SPEF2: variants seen among roughly 807,000 people sequenced by gnomAD.
SPEF2 encodes the protein sperm flagella and cilia-associated protein 2.
Under a neutral mutation model 224.6 loss-of-function variants are expected in SPEF2, and 187 were observed. The ratio of observed to expected loss-of-function variants is 0.83; its 90% confidence interval spans 0.74 to 0.94. The LOEUF is 0.94. Ranked by LOEUF, SPEF2 falls within the 40% of genes least tolerant of loss-of-function variation. The pLI is 0.00. For synonymous variants in SPEF2, 715 were observed against 707.3 expected (o/e 1.01, Z -0.17); for missense variants, 2,170 against 2,135.6 (o/e 1.02, Z -0.32).
intron 1 of SPEF2, among the ~76,000 whole-genome samples, chr5:35,624,589 C>G (rs2149360495): frequency 6.6e-6 from 1 of 152,218 alleles, no homozygotes; most frequent in African/African-American, 2.4e-5. Flanking sequence ...CTCTCTCTCC[C>G]TATCACCTTT....
intron 23 of SPEF2, among the ~76,000 whole-genome samples, chr5:35,752,663 A>ATATCTTATTAAACAATAAATATTTCATTG (rs1561308331): frequency 6.6e-6 from 1 of 152,238 alleles, no homozygotes; most frequent in African/African-American, 2.4e-5. Context: ...CATTAATGGG[A>ATATCTTATTAAACAATAAATATTTCATTG]CTGAAGCCTA....
At chr5:35,700,808 GA>G in intron 16 of SPEF2, 56 bp downstream of exon 16, 1 of 1,537,378 alleles carries the variant, frequency 6.5e-7, no homozygotes, top group Middle Eastern at 2.0e-4. Context: ...TTTGTTCTTT[GA>G]ATCAGTGAAT....
intron 34 of SPEF2, 125 bp downstream of exon 34, chr5:35,800,272 T>C: frequency 9.7e-7 from 1 of 1,028,332 alleles, no homozygotes; most frequent in Non-Finnish European, 1.4e-6. Flanking sequence ...TATGATGCTT[T>C]ACACATACTA....
Position 35,646,780 on chromosome 5 carries a change from A to G in SPEF2, c.699A>G (p.Lys233=), listed in dbSNP as rs371289561. Residue 233 remains lysine, a synonymous_variant, in exon 5 of 37, where the codon AAA becomes AAG. Transcript: ENST00000356031. ...NRTLKALEAQ[K]MMKKKKEAED... The stretch of plus-strand genomic sequence containing the variant: ...CTTTGAAAGCACTCGAGGCCCAAAA[A>G]ATGATGAAAAAGAAAAAAGAGGCAG... The G allele has an allele frequency of 5.6e-6, 9 of 1,613,822 alleles. No homozygotes were observed. Among genetic ancestry groups the G allele is most frequent in the Non-Finnish European group, 7.6e-6 (9 of 1,179,912 alleles).
At chr5:35,775,556 A>G (rs7705904) in intron 28 of SPEF2, among the ~76,000 whole-genome samples, 77,762 of 151,802 alleles carry the variant, frequency 0.51, 22,702 homozygotes, top group African/African-American at 0.81. Flanking sequence ...AAGAATGTTC[A>G]ATTCTTCCCT....
intron 26 of SPEF2, among the ~76,000 whole-genome samples, chr5:35,766,183 T>C (rs1043103559): frequency 5.9e-5 from 9 of 152,076 alleles, no homozygotes; most frequent in Non-Finnish European, 8.8e-5. Flanking sequence ...CTCTATACTT[T>C]GGAAAATTTT....
intron 36 of SPEF2, 64 bp downstream of exon 36, chr5:35,807,317 T>C: frequency 6.4e-7 from 1 of 1,551,362 alleles, no homozygotes. Flanking sequence ...CTAGGATGTT[T>C]CTAAATGTGA....
intron 8 of SPEF2, among the ~76,000 whole-genome samples, chr5:35,664,780 G>A (rs906255720): frequency 6.8e-6 from 1 of 146,174 alleles, no homozygotes; most frequent in Non-Finnish European, 1.5e-5. Flanking sequence ...GAGAGAGAGA[G>A]AAAGAGGGAG....
intron 33 of SPEF2, 71 bp from the exon 34 acceptor site, chr5:35,799,897 C>G: frequency 6.5e-7 from 1 of 1,542,756 alleles, no homozygotes. Flanking sequence ...TGGGGAGATT[C>G]TTCATTGCAT....
At chr5:35,771,863 A>T (rs377056057) in intron 27 of SPEF2, 107 bp downstream of exon 27, 2 of 1,327,170 alleles carry the variant, frequency 1.5e-6, no homozygotes, top group South Asian at 3.6e-5. Flanking sequence ...CTAAAATACT[A>T]CTCATTAGGT....
At chr5:35,625,469 A>G (rs1363249277) in intron 1 of SPEF2, among the ~76,000 whole-genome samples, 1 of 152,226 alleles carries the variant, frequency 6.6e-6, no homozygotes, top group East Asian at 1.9e-4. Context: ...CATTCAGTCA[A>G]CGTGAACAAC....
chr5:35,621,084 A>G (rs1395517337), intron 1 of SPEF2, among the ~76,000 whole-genome samples: 1 of 152,208 alleles, frequency 6.6e-6, no homozygotes, highest in African/African-American at 2.4e-5. Context: ...TCAATATAGC[A>G]TTAAAGATGA....
intron 20 of SPEF2, among the ~76,000 whole-genome samples, chr5:35,725,960 G>A (rs528151857): frequency 6.0e-4 from 92 of 152,280 alleles, no homozygotes; most frequent in Non-Finnish European, 7.9e-4. Context: ...AGGACTCAAT[G>A]ATCCAACTCT....
chr5:35,807,644 C>T, intron 36 of SPEF2: 1 of 1,535,856 alleles, frequency 6.5e-7, no homozygotes, highest in Non-Finnish European at 8.7e-7. Flanking sequence ...GCAAGGTACA[C>T]ATCATCTATG....
Position 35,622,128 on chromosome 5 carries a change from C to A in SPEF2, c.58+4073C>A, listed in dbSNP as rs149854484. ...ATTTTTGTGAGTTTTAAGAGACAGTCTATGCTCCTTGTTAATTGGGTTTGG... is the reference window on the plus strand; with the variant it reads ...ATTTTTGTGAGTTTTAAGAGACAGTATATGCTCCTTGTTAATTGGGTTTGG... On this transcript the variant is annotated intron_variant, in intron 1 of 36. Transcript: ENST00000356031. Among the ~76,000 whole-genome samples, 1,055 of 152,176 alleles carry A rather than the reference C, an allele frequency of 6.9e-3. 9 individuals are homozygous for A. The highest frequency in any genetic ancestry group is 0.031 in the Middle Eastern group (9 of 294).
intron 24 of SPEF2, among the ~76,000 whole-genome samples, chr5:35,758,801 T>C (rs1468016928): frequency 6.6e-6 from 1 of 151,352 alleles, no homozygotes; most frequent in Non-Finnish European, 1.5e-5. Flanking sequence ...AGGTCAGGAG[T>C]TCGAAACCAG....
chr5:35,660,026 C>A (rs1331602259), intron 8 of SPEF2, among the ~76,000 whole-genome samples: 2 of 152,134 alleles, frequency 1.3e-5, no homozygotes, highest in African/African-American at 4.8e-5. Flanking sequence ...CACATCTGGG[C>A]TGCTAGCTGT....
intron 2 of SPEF2, among the ~76,000 whole-genome samples, chr5:35,628,946 C>A (rs1219868286): frequency 6.6e-6 from 1 of 152,004 alleles, no homozygotes; most frequent in African/African-American, 2.4e-5. Flanking sequence ...AAGTTAACTT[C>A]AAAGAATCAT....
rs369225041 is a variant in SPEF2, at chr5:35,800,820, C to T, written c.5010+673C>T. Among the ~76,000 whole-genome samples, 11 of 152,226 alleles carry T rather than the reference C, an allele frequency of 7.2e-5. No homozygotes were observed. In the East Asian group the frequency reaches 1.9e-3, roughly 27 times the overall value. ...GATCCATCTGATGGGATGCTTGGTTCTGTTTTTCCTTTGTAGAAACAGAGG... is the reference window on the plus strand; with the variant it reads ...GATCCATCTGATGGGATGCTTGGTTTTGTTTTTCCTTTGTAGAAACAGAGG... On this transcript the variant is annotated intron_variant, in intron 34 of 36. Coordinates refer to ENST00000356031, the MANE Select transcript of SPEF2 (RefSeq NM_024867.4).
Sources: gnomAD v4.1 joint callset for allele counts (sites outside exome capture counted in the v4.1 genomes callset) on GRCh38, gnomAD v4.1.1 for gene constraint, MANE v1.5 for transcripts, NCBI Gene and HGNC (gene_info 2026-07-23, HGNC 2026-07-21) for gene names.